TRIM46: variants seen among roughly 807,000 people sequenced by gnomAD.
The protein encoded by TRIM46 is tripartite motif-containing protein 46.
TRIM46 carries 17 observed loss-of-function variants against 69.7 expected under a neutral mutation model. That is an observed-to-expected ratio of 0.24 (90% confidence interval 0.17 to 0.37). The LOEUF is 0.37. TRIM46 is among the 10% of genes least tolerant of loss of function. The probability of loss-of-function intolerance (pLI) is 1.00; values close to 1 mark genes in which losing one functional copy is unlikely to be tolerated. For missense variants in TRIM46, 675 were observed against 1,025.1 expected (o/e 0.66, Z 4.66); for synonymous variants, 391 against 429.0 (o/e 0.91, Z 1.09).
Position 155,176,943 on chromosome 1 carries a change from C to T in TRIM46, c.681C>T (p.Cys227=). 1 of 1,614,106 alleles carries T rather than the reference C, an allele frequency of 6.2e-7. No homozygotes were observed. The highest frequency in any genetic ancestry group is 8.5e-7 in the Non-Finnish European group (1 of 1,179,950). The part of the protein sequence containing the change: ...TLSFRPKGLM[C]PDHKEEVTHY... ...CTTTGTGTCCCTAGGGCCTTATGTGCCCAGACCACAAGGAAGAGGTGACCC... is the reference window on the plus strand; with the variant it reads ...CTTTGTGTCCCTAGGGCCTTATGTGTCCAGACCACAAGGAAGAGGTGACCC... The change falls in exon 4 of 10, where the codon TGC becomes TGT. Residue 227 remains cysteine, a synonymous_variant. Coordinates refer to ENST00000334634, the MANE Select transcript of TRIM46 (RefSeq NM_025058.5).
At chr1:155,179,246 C>G (rs1029602943) in intron 7 of TRIM46, among the ~76,000 whole-genome samples, 1 of 152,180 alleles carries the variant, frequency 6.6e-6, no homozygotes, top group Admixed American at 6.5e-5. Context: ...TTTGCCTGCC[C>G]CTCCCTGGGG....
Position 155,177,271 on chromosome 1 carries a change from A to G in TRIM46, c.890A>G (p.Glu297Gly), listed in dbSNP as rs1485132395. 1.9e-6 allele frequency: 3 copies of G among 1,614,054 alleles called. No homozygotes were observed. Among genetic ancestry groups the G allele is most frequent in the Middle Eastern group, 1.6e-4 (1 of 6,062 alleles). Reference sequence around the variant, plus strand: ...CAGACCCAGATCTGTGAGCTGGAGGAGGCCGTGAGGCACACCGAGGTGAGG... The same window carrying G: ...CAGACCCAGATCTGTGAGCTGGAGGGGGCCGTGAGGCACACCGAGGTGAGG... ...TVQTQICELEEAVRHTEVSGQ... is the reference protein window; with the variant it reads ...TVQTQICELEGAVRHTEVSGQ... The change falls in exon 5 of 10, where the codon GAG (glutamate) becomes GGG (glycine). Residue 297 changes from glutamate to glycine, a missense_variant. Physicochemically the swap from Glu to Gly is moderately conservative, Grantham distance 98 (BLOSUM62 -2). Transcript: ENST00000334634.
rs772560670 is a variant in TRIM46 at position 155,183,872 on chromosome 1, A to G, written c.1962A>G (p.Leu654=). The stretch of plus-strand genomic sequence containing the variant: ...AGGCGTCGCCACCCTTCGCTTTCCT[A>G]ACCATTGGCATGGGCAAGATCCTGC... ...TVEASPPFAF[L]TIGMGKILLG... The change falls in exon 10 of 10, where the codon CTA becomes CTG. Residue 654 remains leucine, a synonymous_variant. Transcript: ENST00000334634. 4 of 1,613,116 alleles carry G rather than the reference A, an allele frequency of 2.5e-6. No homozygotes were observed. Among genetic ancestry groups the G allele is most frequent in the Non-Finnish European group, 3.4e-6 (4 of 1,180,020 alleles).
intron 7 of TRIM46, 126 bp downstream of exon 7, chr1:155,178,739 T>TTGCCCCCCCCCCCCCCCCCCCCCCC: frequency 7.4e-7 from 1 of 1,348,474 alleles, no homozygotes; most frequent in Non-Finnish European, 1.0e-6. Flanking sequence ...CAGCCATTCC[T>TTGCCCCCCCCCCCCCCCCCCCCCCC]CCCACCCAGC....
chr1:155,182,355 G>A (rs1023269496), intron 9 of TRIM46: 2 of 609,230 alleles, frequency 3.3e-6, no homozygotes, highest in Non-Finnish European at 5.8e-6. Context: ...CTGATTTTCA[G>A]AGCATGTCGT....
chr1:155,178,739 T>TGCCCCCCCC, intron 7 of TRIM46, 126 bp downstream of exon 7: 10 of 1,348,414 alleles, frequency 7.4e-6, no homozygotes, highest in South Asian at 1.3e-5. Flanking sequence ...CAGCCATTCC[T>TGCCCCCCCC]CCCACCCAGC....
intron 1 of TRIM46, chr1:155,174,378 G>C (rs753617605): frequency 3.7e-5 from 14 of 383,544 alleles, no homozygotes; most frequent in Admixed American, 6.4e-5. Context: ...TATTTTCCAA[G>C]AAAACTGAGG....
At chr1:155,180,104 C>T (rs1210131788) in intron 8 of TRIM46, among the ~76,000 whole-genome samples, 170 bp downstream of exon 8, 4 of 152,384 alleles carry the variant, frequency 2.6e-5, no homozygotes, top group Admixed American at 1.3e-4. Flanking sequence ...CTGCCTCTTG[C>T]CAACTGTGTG....
At chr1:155,182,516 C>T in intron 9 of TRIM46, 1 of 393,836 alleles carries the variant, frequency 2.5e-6, no homozygotes. Flanking sequence ...AAAACCTTTG[C>T]TCTCCAAGAC....
At chr1:155,178,739 T>TGCGCCCCCCC in intron 7 of TRIM46, 126 bp downstream of exon 7, 1 of 1,348,474 alleles carries the variant, frequency 7.4e-7, no homozygotes, top group Non-Finnish European at 1.0e-6. Flanking sequence ...CAGCCATTCC[T>TGCGCCCCCCC]CCCACCCAGC....
At chr1:155,178,739 T>TGGGCCCCCCCCCCCCCC in intron 7 of TRIM46, 126 bp downstream of exon 7, 25 of 1,348,432 alleles carry the variant, frequency 1.9e-5, no homozygotes, top group South Asian at 2.5e-5. Flanking sequence ...CAGCCATTCC[T>TGGGCCCCCCCCCCCCCC]CCCACCCAGC....
chr1:155,178,288 G>T, intron 6 of TRIM46, 33 bp downstream of exon 6: 1 of 1,570,768 alleles, frequency 6.4e-7, no homozygotes, highest in South Asian at 1.2e-5. Context: ...AGGGGGGCAG[G>T]GACATCATGG....
Position 155,174,048 on chromosome 1 carries a change from G to A in TRIM46, c.63+19G>A. On this transcript the variant is annotated intron_variant, in intron 1 of 9. Transcript: ENST00000334634. ...CATCAGTGTGAGTTAAGGTGGGGTC[G>A]AGGGAAGGGGAGGGGGCGTATAGGG... The A allele has an allele frequency of 1.3e-6, 2 of 1,554,606 alleles. No individual in the cohort carries two copies. Among genetic ancestry groups the A allele is most frequent in the Non-Finnish European group, 1.7e-6 (2 of 1,148,952 alleles).
Position 155,183,906 on chromosome 1 carries a change from G to A in TRIM46, c.1996G>A (p.Gly666Arg). 6.2e-7 allele frequency: 1 copy of A among 1,613,760 alleles called. No individual in the cohort carries two copies. The highest frequency in any genetic ancestry group is 1.1e-5 in the South Asian group (1 of 91,076). Residue 666 changes from glycine (G) to arginine (R), a missense_variant, in exon 10 of 10, where the codon GGG becomes AGG. Physicochemically the swap from Gly to Arg is moderately radical, Grantham distance 125. Coordinates refer to ENST00000334634, the MANE Select transcript of TRIM46 (RefSeq NM_025058.5). The stretch of plus-strand genomic sequence containing the variant: ...CATGGGCAAGATCCTGCTGGGGTCG[G>A]GGGCAAGCTCAAACGCAGGGCTGAC... The part of the protein sequence containing the change: ...IGMGKILLGS[G>R]ASSNAGLTGR...
chr1:155,174,749 C>A, intron 1 of TRIM46: 1 of 1,459,542 alleles, frequency 6.9e-7, no homozygotes. Context: ...CTTGATTCCC[C>A]CGCTAGTTCG....
At chr1:155,178,854 A>G in intron 7 of TRIM46, 1 of 1,439,076 alleles carries the variant, frequency 6.9e-7, no homozygotes, top group South Asian at 1.2e-5. Flanking sequence ...CAGGCAAGTC[A>G]GCGGCCCTGC....
intron 7 of TRIM46, 126 bp downstream of exon 7, chr1:155,178,739 T>TTGGCCCCCCCCCCCCCCCCCCCCC: frequency 4.9e-5 from 66 of 1,348,426 alleles, no homozygotes; most frequent in Non-Finnish European, 6.0e-5. Context: ...CAGCCATTCC[T>TTGGCCCCCCCCCCCCCCCCCCCCC]CCCACCCAGC....
intron 1 of TRIM46, 118 bp downstream of exon 1, chr1:155,174,147 T>C (rs368746375): frequency 1.7e-6 from 2 of 1,197,246 alleles, no homozygotes; most frequent in Non-Finnish European, 2.4e-6. Context: ...GGGCTAGCGA[T>C]GGCAGAAACG....
chr1:155,175,306 G>A lies in TRIM46; in HGVS notation c.64-80G>A. On this transcript the variant is annotated intron_variant, in intron 1 of 9. Coordinates refer to ENST00000334634, the MANE Select transcript of TRIM46 (RefSeq NM_025058.5). The surrounding 1 kb of genome is among the most constrained non-coding windows in gnomAD (Gnocchi z 4.2). ...TCTTGCTCCTTCCTCAGACCCCTAG[G>A]GTATCCAAGGGCAGCCAAGGGGCTG... 1.2e-5 allele frequency: 19 copies of A among 1,591,028 alleles called. 2 individuals are homozygous for A. The highest frequency in any genetic ancestry group is 3.4e-4 in the Middle Eastern group (2 of 5,944).
Sources: gnomAD v4.1 joint callset for allele counts (sites outside exome capture counted in the v4.1 genomes callset) on GRCh38, gnomAD v4.1.1 for gene constraint, Gnocchi (gnomAD v3.1) non-coding constraint, MANE v1.5 for transcripts, NCBI Gene and HGNC (gene_info 2026-07-23, HGNC 2026-07-21) for gene names.